The following NFIA variants were observed in gnomAD, a reference collection of about 807,000 sequenced individuals.
NFIA encodes nuclear factor 1 A-type.
Under a neutral mutation model 62.8 loss-of-function variants are expected in NFIA, and 8 were observed. The observed-to-expected ratio is 0.13, with a 90% confidence interval of 0.07 to 0.23. The LOEUF is 0.23. NFIA is among the 10% of genes least tolerant of loss of function. The pLI is 1.00. For missense variants in NFIA, 410 were observed against 642.1 expected (o/e 0.64, Z 3.91); for synonymous variants, 235 against 238.1 (o/e 0.99, Z 0.12).
intron 6 of NFIA, among the ~76,000 whole-genome samples, chr1:61,369,644 C>T (rs945844769): frequency 1.1e-4 from 17 of 151,992 alleles, no homozygotes; most frequent in African/African-American, 3.4e-4. Context: ...AGTTGATTAA[C>T]AATAAATATA....
chr1:61,129,032 C>A (rs1647028101), intron 2 of NFIA, among the ~76,000 whole-genome samples: 1 of 145,842 alleles, frequency 6.9e-6, no homozygotes, highest in Non-Finnish European at 1.5e-5. Flanking sequence ...ACGCCATTCT[C>A]CTGCCTCAGC....
Position 61,286,528 on chromosome 1 carries a change from C to T in NFIA, c.625+8943C>T, listed in dbSNP as rs150271238. On this transcript the variant is annotated intron_variant, in intron 3 of 10. Coordinates refer to ENST00000403491, the MANE Select transcript of NFIA (RefSeq NM_001134673.4). ...GAGCAGACATCCTGCTCTTGAGAAC[C>T]TGATAGTCTAGTAAAAGGGAAAAGA... Among the ~76,000 whole-genome samples the T allele has an allele frequency of 2.2e-3, 339 of 152,116 alleles. 2 individuals are homozygous for T. The highest frequency in any genetic ancestry group is 0.015 in the Admixed American group (225 of 15,290).
chr1:61,356,569 AT>A (rs1662965074), intron 5 of NFIA, among the ~76,000 whole-genome samples: 2 of 152,056 alleles, frequency 1.3e-5, no homozygotes, highest in Admixed American at 1.3e-4. Context: ...AAGAGACCAT[AT>A]TTTTCTGATT....
chr1:61,275,067 G>A (rs992046223), intron 2 of NFIA, among the ~76,000 whole-genome samples: 6 of 152,166 alleles, frequency 3.9e-5, no homozygotes, highest in African/African-American at 1.4e-4. Flanking sequence ...GGATAGCGGT[G>A]TCTCCAGCTT....
At chr1:61,283,577 G>A in intron 3 of NFIA, among the ~76,000 whole-genome samples, 1 of 18,628 alleles carries the variant, frequency 5.4e-5, no homozygotes, top group African/African-American at 1.7e-4. Context: ...ACGAGACTCT[G>A]TCTCAAAAAA....
chr1:61,204,669 C>G (rs1289463563), intron 2 of NFIA, among the ~76,000 whole-genome samples: 2 of 152,058 alleles, frequency 1.3e-5, no homozygotes, highest in Admixed American at 1.3e-4. Context: ...CTTCTGCCCC[C>G]CCCACCCTTG....
chr1:61,398,529 A>G (rs1291637097), intron 7 of NFIA, among the ~76,000 whole-genome samples: 2 of 152,214 alleles, frequency 1.3e-5, no homozygotes, highest in Non-Finnish European at 2.9e-5. Context: ...CAGTAATACA[A>G]AAACACTGGT....
Position 61,461,271 on chromosome 1 carries a change from A to G in NFIA, c.*5951A>G, listed in dbSNP as rs1023668933. On this transcript the variant is annotated 3_prime_UTR_variant, in exon 11 of 11. Transcript: ENST00000403491. ...ATCTGTCTTCACACCAGACCTCCTC[A>G]TATTAAAAGGAAAAATAAGAAAAAA... 2 of 152,204 alleles carry G rather than the reference A, an allele frequency of 1.3e-5. No individual in the cohort carries two copies. The highest frequency in any genetic ancestry group is 4.8e-5 in the African/African-American group (2 of 41,436). 9.4% of individuals were successfully genotyped at this position (152,204 alleles called of 1,614,324 possible).
intron 2 of NFIA, among the ~76,000 whole-genome samples, chr1:61,124,034 A>G (rs915982935): frequency 6.6e-6 from 1 of 152,218 alleles, no homozygotes; most frequent in South Asian, 2.1e-4. Context: ...GAGTTGCTTC[A>G]GTGTTCTAGG....
intron 10 of NFIA, among the ~76,000 whole-genome samples, chr1:61,441,483 T>C (rs780577211): frequency 6.6e-6 from 1 of 152,200 alleles, no homozygotes; most frequent in Non-Finnish European, 1.5e-5. Context: ...TTAAAGTGCT[T>C]CTACATGAGG....
intron 2 of NFIA, among the ~76,000 whole-genome samples, chr1:61,203,547 T>C (rs1469937900): frequency 1.3e-5 from 2 of 152,124 alleles, no homozygotes; most frequent in Non-Finnish European, 2.9e-5. Flanking sequence ...CTCAAAACTT[T>C]TGTGGAAGAA....
At chr1:61,297,779 C>G (rs1659266904) in intron 3 of NFIA, among the ~76,000 whole-genome samples, 1 of 152,036 alleles carries the variant, frequency 6.6e-6, no homozygotes, top group African/African-American at 2.4e-5. Flanking sequence ...ACAAAGTGCT[C>G]TGAGAATGTG....
intron 2 of NFIA, among the ~76,000 whole-genome samples, chr1:61,129,998 C>T (rs758885933): frequency 6.6e-5 from 10 of 151,994 alleles, no homozygotes; most frequent in South Asian, 2.1e-4. Flanking sequence ...GAAATTGACC[C>T]GGTGTGGTGG....
At chr1:61,267,457 C>T (rs1284681222) in intron 2 of NFIA, among the ~76,000 whole-genome samples, 1 of 152,022 alleles carries the variant, frequency 6.6e-6, no homozygotes, top group African/African-American at 2.4e-5. Flanking sequence ...TGCAGTGAGC[C>T]GAGATTGCAC....
intron 10 of NFIA, among the ~76,000 whole-genome samples, chr1:61,453,400 T>C (rs181726568): frequency 2.4e-4 from 36 of 151,314 alleles, no homozygotes; most frequent in Non-Finnish European, 4.4e-4. Context: ...TGGGGTAACC[T>C]TGTCGGCAAG....
chr1:61,425,104 T>C (rs1487258837), intron 9 of NFIA, among the ~76,000 whole-genome samples: 1 of 152,224 alleles, frequency 6.6e-6, no homozygotes, highest in African/African-American at 2.4e-5. Flanking sequence ...ACCCTCATGC[T>C]CAGCCTCTGT....
intron 3 of NFIA, among the ~76,000 whole-genome samples, chr1:61,296,890 G>A (rs532678847): frequency 5.3e-4 from 81 of 152,186 alleles, no homozygotes; most frequent in African/African-American, 1.9e-3. Flanking sequence ...AAAAGTCTTC[G>A]ACTGTGCCAG....
chr1:61,406,542 T>TTGGGGGGGGGGGG lies in NFIA; in HGVS notation c.1255-20_1255-19insTGGGGGGGGGGGG. 1.6e-6 allele frequency: 2 copies of TTGGGGGGGGGGGG among 1,253,830 alleles called. No homozygotes were observed. Among genetic ancestry groups the TTGGGGGGGGGGGG allele is most frequent in the African/African-American group, 2.2e-5 (1 of 46,500 alleles). The allele number at this position is 1,253,830 out of a possible 1,614,324, so 77.7% of individuals were successfully genotyped here. On this transcript the variant is annotated intron_variant, in intron 8 of 10. Transcript: ENST00000403491. ...TTCTTTTTCTTGTACGTGTGTTTTC[T>TTGGGGGGGGGGGG]GCCCCCCCCCCCCCCACAGCCCAAT...
At chr1:61,089,414 C>T (rs902624051) in intron 2 of NFIA, among the ~76,000 whole-genome samples, 4 of 152,026 alleles carry the variant, frequency 2.6e-5, no homozygotes, top group African/African-American at 9.7e-5. Flanking sequence ...CATGTCTTAC[C>T]TGTGCATGTT....
Sources: allele counts gnomAD v4.1 joint callset (sites outside exome capture counted in the v4.1 genomes callset), GRCh38; gene constraint gnomAD v4.1.1; transcripts MANE v1.5; gene names NCBI Gene and HGNC (gene_info 2026-07-23, HGNC 2026-07-21).